Variants in LRRC4B observed in about 807,000 individuals in gnomAD.
LRRC4B encodes the protein leucine-rich repeat-containing protein 4B.
Under a neutral mutation model 7.3 loss-of-function variants are expected in LRRC4B, and 1 was observed. That is an observed-to-expected ratio of 0.14 (90% CI 0.05 to 0.65). The LOEUF (loss-of-function observed/expected upper bound fraction) is 0.65. Ranked by LOEUF, LRRC4B falls within the 30% of genes least tolerant of loss-of-function variation. The probability of loss-of-function intolerance (pLI) is 0.84; values close to 1 mark genes in which losing one functional copy is unlikely to be tolerated. For synonymous variants in LRRC4B, 500 were observed against 499.2 expected (o/e 1.00, Z -0.02); for missense variants, 730 against 1,041.6 (o/e 0.70, Z 4.12).
intron 2 of LRRC4B, among the ~76,000 whole-genome samples, chr19:50,543,261 C>T (rs769352534): frequency 2.6e-5 from 4 of 152,080 alleles, no homozygotes; most frequent in African/African-American, 4.8e-5. Context: ...ACAACCAAGG[C>T]GGCAGGTCAC....
intron 2 of LRRC4B, among the ~76,000 whole-genome samples, chr19:50,545,561 A>G (rs1163262994): frequency 2.0e-5 from 3 of 152,104 alleles, no homozygotes; most frequent in Non-Finnish European, 4.4e-5. Context: ...AGCCTGAATG[A>G]CAGAGTGAGA....
intron 2 of LRRC4B, among the ~76,000 whole-genome samples, chr19:50,530,342 T>C (rs1289426952): frequency 2.0e-5 from 3 of 152,178 alleles, no homozygotes; most frequent in East Asian, 1.9e-4. Context: ...CCCCTCTGCA[T>C]GGCCCCTCAC....
intron 2 of LRRC4B, among the ~76,000 whole-genome samples, chr19:50,543,681 G>A (rs906988200): frequency 3.3e-5 from 5 of 151,310 alleles, no homozygotes; most frequent in African/African-American, 7.3e-5. Context: ...GTGAAACCCC[G>A]TCTCTACTAG....
rs1196829872 is a variant in LRRC4B, at chr19:50,548,386, G to A, written c.297+156C>T. Among the ~76,000 whole-genome samples, 3 of 152,168 alleles carry A rather than the reference G, an allele frequency of 2.0e-5. No homozygotes were observed. The highest frequency in any genetic ancestry group is 2.9e-5 in the Non-Finnish European group (2 of 68,010). On this transcript the variant is annotated intron_variant, in intron 2 of 2. Transcript: ENST00000652263. This position sits in a 1 kb window ranked among gnomAD's most constrained non-coding sequence, Gnocchi z 6.8. Reference sequence around the variant, plus strand: ...GGCCTCCACTCCACCTCGGGAGCCCGGCTCCAGCTGATAGGATGCAGACCC... The same window carrying A: ...GGCCTCCACTCCACCTCGGGAGCCCAGCTCCAGCTGATAGGATGCAGACCC...
intron 1 of LRRC4B, among the ~76,000 whole-genome samples, chr19:50,566,197 T>TG (rs1982622656): frequency 1.6e-5 from 1 of 64,516 alleles, no homozygotes; most frequent in Non-Finnish European, 2.9e-5. Context: ...GGTCCGGGGG[T>TG]GGGGGGCGGG....
rs543078398 is a variant in LRRC4B at position 50,527,268 on chromosome 19, G to A, written c.298-7853C>T. On this transcript the variant is annotated intron_variant, in intron 2 of 2. Coordinates refer to ENST00000652263, the MANE Select transcript of LRRC4B (RefSeq NM_001080457.2). ...AGGACGGTCTCGATCTCCTGACCTC[G>A]TGATCTGCCCGCCTCAGCCTCCCAA... is the stretch of plus-strand genomic sequence containing the variant. Among the ~76,000 whole-genome samples the A allele has an allele frequency of 2.1e-3, 311 of 151,586 alleles. 1 individual carries two copies. The highest frequency in any genetic ancestry group is 7.1e-3 in the African/African-American group (292 of 41,330).
At chr19:50,551,224 C>A (rs56278934) in intron 1 of LRRC4B, among the ~76,000 whole-genome samples, 1 of 151,878 alleles carries the variant, frequency 6.6e-6, no homozygotes, top group Admixed American at 6.6e-5. Flanking sequence ...CCTCTCCCTG[C>A]GCCCAGGCCC....
chr19:50,565,525 TCGTG>T (rs1474459680), intron 1 of LRRC4B, among the ~76,000 whole-genome samples: 5 of 98,038 alleles, frequency 5.1e-5, no homozygotes, highest in Non-Finnish European at 8.2e-5. Flanking sequence ...CTGTGTGCTC[TCGTG>T]TGTGTGTGTG....
Position 50,537,764 on chromosome 19 carries a change from G to A in LRRC4B, c.297+10778C>T, listed in dbSNP as rs1160438506. 6.6e-6 allele frequency among the ~76,000 whole-genome samples: 1 copy of A among 152,132 alleles called. No homozygotes were observed. Among genetic ancestry groups the A allele is most frequent in the East Asian group, 1.9e-4 (1 of 5,196 alleles). On this transcript the variant is annotated intron_variant, in intron 2 of 2. Transcript: ENST00000652263. The surrounding 1 kb of genome is among the most constrained non-coding windows in gnomAD (Gnocchi z 5.5). ...AGTATGGGAAATCCTATTTGAAAAG[G>A]GTAGAAACTGAGGCTCGGAGTGGTG... is the stretch of plus-strand genomic sequence containing the variant.
chr19:50,554,750 TGA>T (rs1011339905), intron 1 of LRRC4B, among the ~76,000 whole-genome samples: 2 of 152,202 alleles, frequency 1.3e-5, no homozygotes, highest in African/African-American at 4.8e-5. Context: ...ATCAACCCTC[TGA>T]GAGAAGACTG....
At chr19:50,540,865 T>C (rs965204184) in intron 2 of LRRC4B, among the ~76,000 whole-genome samples, 5 of 151,888 alleles carry the variant, frequency 3.3e-5, no homozygotes, top group African/African-American at 1.2e-4. Context: ...TTATTATACA[T>C]TACGATGTAA....
Position 50,561,269 on chromosome 19 carries a change from T to C in LRRC4B, c.-36+6675A>G, listed in dbSNP as rs188164229. 4.8e-3 allele frequency among the ~76,000 whole-genome samples: 733 copies of C among 152,114 alleles called. 1 individual carries two copies. Among genetic ancestry groups the C allele is most frequent in the Non-Finnish European group, 6.4e-3 (436 of 68,000 alleles). On this transcript the variant is annotated intron_variant, in intron 1 of 2. Coordinates refer to ENST00000652263, the MANE Select transcript of LRRC4B (RefSeq NM_001080457.2). ...GAGTGGGGGGCCCATGGGATCACATTTGGGGTCTTTGCCCTTCCCGCAACA... is the reference window on the plus strand; with the variant it reads ...GAGTGGGGGGCCCATGGGATCACATCTGGGGTCTTTGCCCTTCCCGCAACA...
At chr19:50,521,841 C>T (rs1429387365) in intron 2 of LRRC4B, among the ~76,000 whole-genome samples, 1 of 152,074 alleles carries the variant, frequency 6.6e-6, no homozygotes, top group Non-Finnish European at 1.5e-5. Context: ...AAATTACAGG[C>T]GTGAACCACC....
intron 2 of LRRC4B, among the ~76,000 whole-genome samples, chr19:50,525,551 G>A (rs902973242): frequency 5.3e-5 from 8 of 150,218 alleles, no homozygotes; most frequent in African/African-American, 2.0e-4. Context: ...GATTACAGGC[G>A]TCCTCCACCA....
At chr19:50,520,925 C>T (rs1980551463) in intron 2 of LRRC4B, among the ~76,000 whole-genome samples, 1 of 152,198 alleles carries the variant, frequency 6.6e-6, no homozygotes, top group African/African-American at 2.4e-5. Context: ...GATGTCCACG[C>T]AACGGCTTCT....
Position 50,525,135 on chromosome 19 carries a change from C to T in LRRC4B, c.298-5720G>A, listed in dbSNP as rs7257813. 2.3e-3 allele frequency among the ~76,000 whole-genome samples: 347 copies of T among 152,186 alleles called. 2 individuals carry two copies. Among genetic ancestry groups the T allele is most frequent in the African/African-American group, 7.9e-3 (328 of 41,506 alleles). On this transcript the variant is annotated intron_variant, in intron 2 of 2. Coordinates refer to ENST00000652263, the MANE Select transcript of LRRC4B (RefSeq NM_001080457.2). Reference sequence around the variant, plus strand: ...ACGGGTGTAGTGTGAAGAGCAGAGCCCTGTTCAAATCCCGCCTCCCCCGTC... The same window carrying T: ...ACGGGTGTAGTGTGAAGAGCAGAGCTCTGTTCAAATCCCGCCTCCCCCGTC...
chr19:50,549,845 C>T (rs548231335), intron 1 of LRRC4B, among the ~76,000 whole-genome samples: 7 of 152,078 alleles, frequency 4.6e-5, no homozygotes, highest in Admixed American at 3.9e-4. Flanking sequence ...GCCGCAGGAC[C>T]GAGCTTGGTT....
chr19:50,533,972 T>C (rs1350046935), intron 2 of LRRC4B, among the ~76,000 whole-genome samples: 1 of 152,140 alleles, frequency 6.6e-6, no homozygotes, highest in Admixed American at 6.5e-5. Flanking sequence ...ACTGAAACAG[T>C]TGGGCTGTCT....
intron 2 of LRRC4B, among the ~76,000 whole-genome samples, chr19:50,533,106 G>A (rs186038373): frequency 4.6e-5 from 7 of 152,068 alleles, no homozygotes; most frequent in East Asian, 1.9e-4. Flanking sequence ...TATGTCTTTC[G>A]ATTTTAAGTC....
Sources: allele counts gnomAD v4.1 joint callset (sites outside exome capture counted in the v4.1 genomes callset), GRCh38; gene constraint gnomAD v4.1.1; non-coding constraint Gnocchi (gnomAD v3.1); transcripts MANE v1.5; gene names NCBI Gene and HGNC (gene_info 2026-07-23, HGNC 2026-07-21).